Variants in MTPAP observed in about 807,000 individuals in gnomAD.
MTPAP encodes mitochondrial poly(A) polymerase.
A neutral mutation model predicts 48.7 loss-of-function variants in MTPAP; 23 were observed. That is an observed-to-expected ratio of 0.47 (90% CI 0.34 to 0.67). The LOEUF is 0.67. Ranked by LOEUF, MTPAP falls within the 30% of genes least tolerant of loss-of-function variation. MTPAP has a pLI of 0.01. For synonymous variants in MTPAP, 257 were observed against 254.1 expected (o/e 1.01, Z -0.11); for missense variants, 614 against 694.3 (o/e 0.88, Z 1.30).
intron 1 of MTPAP, among the ~76,000 whole-genome samples, chr10:30,343,046 AT>A (rs1834829728): frequency 1.3e-5 from 2 of 152,270 alleles, no homozygotes; most frequent in African/African-American, 2.4e-5. Context: ...TTAACAACTA[AT>A]TTTTTTCCCC....
intron 5 of MTPAP, among the ~76,000 whole-genome samples, chr10:30,323,149 A>G (rs1840745747): frequency 6.9e-6 from 1 of 144,974 alleles, no homozygotes; most frequent in Non-Finnish European, 1.5e-5. Flanking sequence ...AAAAAAAAAA[A>G]AGAAAGAAAA....
intron 4 of MTPAP, among the ~76,000 whole-genome samples, chr10:30,327,005 T>C (rs1834605119): frequency 6.6e-6 from 1 of 152,166 alleles, no homozygotes; most frequent in Non-Finnish European, 1.5e-5. Context: ...TTTTAATCTA[T>C]GCTATAAACC....
chr10:30,337,704 G>C (rs1031186348), intron 3 of MTPAP, among the ~76,000 whole-genome samples: 19 of 152,154 alleles, frequency 1.2e-4, no homozygotes, highest in Non-Finnish European at 2.6e-4. Context: ...TTAAGAAAAT[G>C]AAAGTAGTAA....
chr10:30,317,780 C>A (rs1840678548), intron 6 of MTPAP, among the ~76,000 whole-genome samples: 1 of 152,200 alleles, frequency 6.6e-6, no homozygotes, highest in South Asian at 2.1e-4. Flanking sequence ...TTGCCCAACT[C>A]CCCACCACCG....
Position 30,349,251 on chromosome 10 carries a change from A to G in MTPAP, c.25T>C (p.Leu9=), listed in dbSNP as rs1341297050. The change falls in exon 1 of 9, where the codon TTG becomes CTG. Residue 9 remains leucine (L), a synonymous_variant. Transcript: ENST00000263063. Reference sequence around the variant, plus strand: ...CGGGCACACAGGTTCAAACGGGTCAAGAGCCCCACGCCGGGAACCGCCATT... The same window carrying G: ...CGGGCACACAGGTTCAAACGGGTCAGGAGCCCCACGCCGGGAACCGCCATT... MAVPGVGL[L]TRLNLCARRR... is the part of the protein sequence containing the mutation. 2.0e-6 allele frequency: 3 copies of G among 1,525,734 alleles called. No homozygotes were observed. The highest frequency in any genetic ancestry group is 1.8e-6 in the Non-Finnish European group (2 of 1,121,914). The allele number at this position is 1,525,734 out of a possible 1,614,324, so 94.5% of individuals were successfully genotyped here. A position where few individuals can be genotyped will look rare whatever the true frequency, so the allele number is the denominator to read the frequency against.
rs1159251447 is a variant in MTPAP at position 30,312,228 on chromosome 10, G to C, written c.*1381C>G. ...TACAGTTGCCCATTGAACAACATGG[G>C]TTTCAACTGCGAAGTCCATTTACAC... On this transcript the variant is annotated 3_prime_UTR_variant, in exon 9 of 9. Coordinates refer to ENST00000263063, the MANE Select transcript of MTPAP (RefSeq NM_018109.4). The C allele has an allele frequency of 6.6e-6, 1 of 152,120 alleles. No homozygotes were observed. The highest frequency in any genetic ancestry group is 6.6e-5 in the Admixed American group (1 of 15,266). The allele number at this position is 152,120 out of a possible 1,614,324, so 9.4% of individuals were successfully genotyped here.
rs536752265 is a variant in MTPAP at position 30,340,489 on chromosome 10, C to T, written c.331-39G>A. ...ATAAGAAAAAACAGAACACATTTCA[C>T]GATATATCTAACATACTATTTTAGC... On this transcript the variant is annotated intron_variant, in intron 2 of 8. Transcript: ENST00000263063. 17 of 1,384,616 alleles carry T rather than the reference C, an allele frequency of 1.2e-5. No individual in the cohort carries two copies. The East Asian group carries it at 1.4e-4, about 11-fold the overall frequency. The allele number at this position is 1,384,616 out of a possible 1,614,324, so 85.8% of individuals were successfully genotyped here.
rs945645458 is a variant in MTPAP at position 30,335,170 on chromosome 10, T to C, written c.780+1633A>G. Among the ~76,000 whole-genome samples the C allele has an allele frequency of 3.3e-5, 5 of 152,308 alleles. 1 individual carries two copies. The highest frequency in any genetic ancestry group is 4.4e-5 in the Non-Finnish European group (3 of 68,028). The stretch of plus-strand genomic sequence containing the variant: ...AAAGATGTAAGGAAAGATACAGCCA[T>C]AGAAACTAAACATTTTATAAAAACA... On this transcript the variant is annotated intron_variant, in intron 4 of 8. Transcript: ENST00000263063.
chr10:30,347,586 T>C (rs1199997064), intron 1 of MTPAP, among the ~76,000 whole-genome samples: 1 of 152,210 alleles, frequency 6.6e-6, no homozygotes, highest in Admixed American at 6.5e-5. Context: ...GAGTATAGTC[T>C]TGGAATTAGA....
chr10:30,310,581 CA>C lies in MTPAP; in HGVS notation c.*3027del, dbSNP rs11310410. 64,975 of 102,648 alleles carry C rather than the reference CA, an allele frequency of 0.63. 18,341 individuals carry two copies. Among genetic ancestry groups the C allele is most frequent in the Middle Eastern group, 0.71 (145 of 204 alleles). 6.4% of individuals were successfully genotyped at this position (102,648 alleles called of 1,614,324 possible). On this transcript the variant is annotated 3_prime_UTR_variant, in exon 9 of 9. Transcript: ENST00000263063. Reference sequence around the variant, plus strand: ...CTGGGTGACAGAGGGAGACCCATCTCAAAAAAAAAAAAAAAAAAGGGTCTTT... The same window carrying C: ...CTGGGTGACAGAGGGAGACCCATCTCAAAAAAAAAAAAAAAAAGGGTCTTT...
At chr10:30,324,773 G>C (rs1193398818) in intron 5 of MTPAP, among the ~76,000 whole-genome samples, 2 of 152,076 alleles carry the variant, frequency 1.3e-5, no homozygotes, top group Non-Finnish European at 2.9e-5. Context: ...AGGCCGAGGT[G>C]GGCAGATCAC....
At chr10:30,348,034 G>A (rs1008826037) in intron 1 of MTPAP, among the ~76,000 whole-genome samples, 1 of 152,032 alleles carries the variant, frequency 6.6e-6, no homozygotes, top group Non-Finnish European at 1.5e-5. Flanking sequence ...CCACACCTAC[G>A]CTACAGGGTT....
At chr10:30,341,363 A>T in intron 2 of MTPAP, 105 bp downstream of exon 2, 3 of 1,419,092 alleles carry the variant, frequency 2.1e-6, no homozygotes, top group Non-Finnish European at 9.4e-7. Flanking sequence ...TATCAAAGAG[A>T]ACCTACCTAC....
rs77345106 is a variant in MTPAP, at chr10:30,325,161, G to T, written c.992+1263C>A. ...TAATTACAAAGATAAATGTAATTTTGTCCTATTTTACATACTACAAAGAAA... is the reference window on the plus strand; with the variant it reads ...TAATTACAAAGATAAATGTAATTTTTTCCTATTTTACATACTACAAAGAAA... On this transcript the variant is annotated intron_variant, in intron 5 of 8. Coordinates refer to ENST00000263063, the MANE Select transcript of MTPAP (RefSeq NM_018109.4). Among the ~76,000 whole-genome samples the T allele has an allele frequency of 8.0e-3, 1,218 of 151,976 alleles. 14 individuals carry two copies. Among genetic ancestry groups the T allele is most frequent in the Middle Eastern group, 0.024 (7 of 294 alleles).
At chr10:30,348,174 A>G (rs1834893393) in intron 1 of MTPAP, among the ~76,000 whole-genome samples, 1 of 152,242 alleles carries the variant, frequency 6.6e-6, no homozygotes, top group Non-Finnish European at 1.5e-5. Context: ...GTTCAACAGA[A>G]GTAGCTTCCA....
At chr10:30,325,499 C>T (rs1346926080) in intron 5 of MTPAP, among the ~76,000 whole-genome samples, 1 of 152,172 alleles carries the variant, frequency 6.6e-6, no homozygotes, top group Non-Finnish European at 1.5e-5. Flanking sequence ...GTAATCCCAG[C>T]ACTCTAGGAG....
intron 6 of MTPAP, among the ~76,000 whole-genome samples, chr10:30,320,067 GGC>G (rs2132847963): frequency 6.6e-6 from 1 of 152,260 alleles, no homozygotes; most frequent in South Asian, 2.1e-4. Context: ...GACCAGCCTG[GGC>G]AATATAGTAA....
intron 4 of MTPAP, among the ~76,000 whole-genome samples, chr10:30,335,645 C>G (rs1218455485): frequency 6.6e-6 from 1 of 151,912 alleles, no homozygotes; most frequent in Non-Finnish European, 1.5e-5. Flanking sequence ...AATATCCAAA[C>G]TTGAAAGAGA....
At position 30,336,679 on chromosome 10, in the gene MTPAP, T is replaced by C. The variant is rs1834733852; in HGVS notation, c.780+124A>G. On this transcript the variant is annotated intron_variant, in intron 4 of 8. Coordinates refer to ENST00000263063, the MANE Select transcript of MTPAP (RefSeq NM_018109.4). ...AAGAATCAATAACAAATACACCTTA[T>C]TCTTTAACCACAATGTTTAATAAGT... The C allele has an allele frequency of 3.3e-5, 28 of 838,646 alleles. 1 individual carries two copies. The South Asian group carries it at 3.8e-4, about 12-fold the overall frequency. The allele number at this position is 838,646 out of a possible 1,614,324, so 52.0% of individuals were successfully genotyped here.
Sources: gnomAD v4.1 joint callset for allele counts (sites outside exome capture counted in the v4.1 genomes callset) on GRCh38, gnomAD v4.1.1 for gene constraint, MANE v1.5 for transcripts, NCBI Gene and HGNC (gene_info 2026-07-23, HGNC 2026-07-21) for gene names.